TBC1D30: variants seen among roughly 807,000 people sequenced by gnomAD.
TBC1D30 encodes the protein TBC1 domain family, member 30.
In TBC1D30, 31 loss-of-function variants were observed where a neutral mutation model predicts 63.2. That is an observed-to-expected ratio of 0.49 (90% CI 0.37 to 0.66). The LOEUF (loss-of-function observed/expected upper bound fraction) is 0.66. Among genes scored for constraint, TBC1D30 ranks in the 30% least tolerant of loss-of-function variants. The pLI is 0.00. For missense variants in TBC1D30, 810 were observed against 953.6 expected (o/e 0.85, Z 1.98); for synonymous variants, 307 against 361.5 (o/e 0.85, Z 1.71).
At chr12:64,824,363 T>A (rs1182637427), upstream of TBC1D30, among the ~76,000 whole-genome samples, 2 of 152,206 alleles carry the variant, frequency 1.3e-5, no homozygotes, top group Admixed American at 6.5e-5. Context: ...ATGCTTGCCC[T>A]TACGGGTGTT....
At chr12:64,850,931 A>G (rs747857966) in intron 8 of TBC1D30, among the ~76,000 whole-genome samples, 2 of 152,046 alleles carry the variant, frequency 1.3e-5, no homozygotes, top group African/African-American at 2.4e-5. Flanking sequence ...GTAGGCTATT[A>G]CTGCCTCAAT....
intron 2 of TBC1D30, among the ~76,000 whole-genome samples, chr12:64,807,623 G>A (rs1159789228): frequency 6.6e-6 from 1 of 152,136 alleles, no homozygotes; most frequent in Non-Finnish European, 1.5e-5. Flanking sequence ...CTGTCCTGTG[G>A]TTTTCCTAAT....
chr12:64,781,158 G>A (rs1391562574), exon 1 of TBC1D30: 30 of 1,026,566 alleles, frequency 2.9e-5, no homozygotes, highest in Non-Finnish European at 3.3e-5. Flanking sequence ...AGCCTCGACA[G>A]CTCCACCGAG....
At chr12:64,761,808 T>C (rs1870524134) in intron 1 of TBC1D30, among the ~76,000 whole-genome samples, 1 of 152,228 alleles carries the variant, frequency 6.6e-6, no homozygotes, top group African/African-American at 2.4e-5. Flanking sequence ...TAATAAACTT[T>C]CTTTCACTTT....
At chr12:64,838,985 A>G in intron 7 of TBC1D30, 134 bp downstream of exon 7, 2 of 860,722 alleles carry the variant, frequency 2.3e-6, no homozygotes, top group Non-Finnish European at 3.5e-6. Context: ...AGCCTCCTGA[A>G]ATCTCAGCAG....
chr12:64,858,613 T>C (rs776826924), intron 8 of TBC1D30, among the ~76,000 whole-genome samples: 1 of 152,206 alleles, frequency 6.6e-6, no homozygotes, highest in Non-Finnish European at 1.5e-5. Flanking sequence ...ACCAGAGTAA[T>C]GATCCATACT....
At chr12:64,853,998 G>A (rs1877093643) in intron 8 of TBC1D30, among the ~76,000 whole-genome samples, 1 of 152,212 alleles carries the variant, frequency 6.6e-6, no homozygotes, top group Non-Finnish European at 1.5e-5. Context: ...TTTCTTGTAG[G>A]AAACGGATCA....
At position 64,880,753 on chromosome 12, in the gene TBC1D30, A is replaced by G. The variant is rs535096656; in HGVS notation, c.*4965A>G. On this transcript the variant is annotated 3_prime_UTR_variant, in exon 12 of 12. Coordinates refer to ENST00000539867, the MANE Select transcript of TBC1D30 (RefSeq NM_015279.2). ...CATCCCAGGCAATCTTTATCTAGCT[A>G]CACCAACCTGTGCCCCAGGGGCTTC... 71 of 152,288 alleles carry G rather than the reference A, an allele frequency of 4.7e-4. No homozygotes were observed. The highest frequency in any genetic ancestry group is 1.7e-3 in the African/African-American group (70 of 41,544). 9.4% of individuals were successfully genotyped at this position (152,288 alleles called of 1,614,324 possible).
At chr12:64,865,260 G>A (rs193110736) in intron 9 of TBC1D30, among the ~76,000 whole-genome samples, 187 of 147,712 alleles carry the variant, frequency 1.3e-3, no homozygotes, top group South Asian at 3.4e-3. Context: ...TAGATGCCAG[G>A]GTAAATTCCA....
intron 2 of TBC1D30, among the ~76,000 whole-genome samples, chr12:64,807,840 G>A (rs1179595780): frequency 1.3e-5 from 2 of 151,574 alleles, no homozygotes; most frequent in South Asian, 2.1e-4. Context: ...TGAACTCCTG[G>A]GCTCAAGGAA....
At chr12:64,775,071 T>C (rs1871027169) in intron 1 of TBC1D30, among the ~76,000 whole-genome samples, 1 of 149,736 alleles carries the variant, frequency 6.7e-6, no homozygotes, top group African/African-American at 2.5e-5. Flanking sequence ...CCAGCCTGGG[T>C]GACAGAGTGA....
rs1402524391 is a variant in TBC1D30 at position 64,876,875 on chromosome 12, C to A, written c.*1087C>A. ...GGGTCAGGGATAGCACCTCTTGTCT[C>A]CACTATGCAGATGGGAACTCTGAGC... is the stretch of plus-strand genomic sequence containing the variant. On this transcript the variant is annotated 3_prime_UTR_variant, in exon 12 of 12. Coordinates refer to ENST00000539867, the MANE Select transcript of TBC1D30 (RefSeq NM_015279.2). The A allele has an allele frequency of 2.2e-6, 1 of 456,074 alleles. No homozygotes were observed. The highest frequency in any genetic ancestry group is 4.4e-6 in the Non-Finnish European group (1 of 226,806). The allele number at this position is 456,074 out of a possible 1,614,324, so 28.3% of individuals were successfully genotyped here.
intron 8 of TBC1D30, among the ~76,000 whole-genome samples, chr12:64,860,085 A>G (rs1024805214): frequency 5.3e-5 from 8 of 150,240 alleles, no homozygotes; most frequent in African/African-American, 2.0e-4. Context: ...TGGCATGAAC[A>G]TGGCTCACTG....
intron 2 of TBC1D30, among the ~76,000 whole-genome samples, chr12:64,815,552 C>T (rs1873473153): frequency 2.0e-5 from 3 of 152,116 alleles, no homozygotes; most frequent in Admixed American, 2.0e-4. Flanking sequence ...AGCAGCACCT[C>T]ATTGCATTGG....
chr12:64,785,792 T>A, intron 1 of TBC1D30: 1 of 1,053,910 alleles, frequency 9.5e-7, no homozygotes, highest in African/African-American at 1.7e-5. Context: ...TTTAAATGGA[T>A]GTTCTATTTA....
intron 2 of TBC1D30, among the ~76,000 whole-genome samples, chr12:64,795,261 T>C (rs1312625736): frequency 2.0e-5 from 3 of 152,086 alleles, no homozygotes; most frequent in Non-Finnish European, 4.4e-5. Flanking sequence ...GCTCGAAGGG[T>C]GAAGGTCTGG....
intron 2 of TBC1D30, chr12:64,787,464 T>G (rs1021382366): frequency 1.6e-5 from 11 of 701,248 alleles, no homozygotes; most frequent in Admixed American, 6.3e-5. Flanking sequence ...TGCCTTTTGT[T>G]GCTCTTTCAC....
At chr12:64,786,833 C>T (rs1448700234) in intron 2 of TBC1D30, among the ~76,000 whole-genome samples, 3 of 151,794 alleles carry the variant, frequency 2.0e-5, no homozygotes, top group Non-Finnish European at 4.4e-5. Flanking sequence ...GTCCCAGCTA[C>T]TCAGGAGGTT....
intron 8 of TBC1D30, among the ~76,000 whole-genome samples, chr12:64,858,826 A>G (rs552304344): frequency 6.6e-6 from 1 of 152,314 alleles, no homozygotes; most frequent in African/African-American, 2.4e-5. Flanking sequence ...GGGAGCCTAT[A>G]GTCTCCTAGA....
Sources: gnomAD v4.1 joint callset for allele counts (sites outside exome capture counted in the v4.1 genomes callset) on GRCh38, gnomAD v4.1.1 for gene constraint, MANE v1.5 for transcripts, NCBI Gene and HGNC (gene_info 2026-07-23, HGNC 2026-07-21) for gene names.